Variants in GRID2 observed in about 807,000 individuals in gnomAD.
GRID2 encodes the protein glutamate ionotropic receptor delta type subunit 2, also known as glutamate receptor ionotropic, delta-2.
GRID2 carries 33 observed loss-of-function variants against 114.8 expected under a neutral mutation model. The observed-to-expected ratio is 0.29, with a 90% CI of 0.22 to 0.38. GRID2 has a LOEUF of 0.38. Ranked by LOEUF, GRID2 falls within the 10% of genes least tolerant of loss-of-function variation. GRID2 has a pLI of 1.00. For missense variants in GRID2, 1,184 were observed against 1,257.7 expected, an observed-to-expected ratio of 0.94 and a Z score of 0.89; for synonymous variants, 505 against 449.9, an observed-to-expected ratio of 1.12 and a Z score of -1.55.
intron 2 of GRID2, among the ~76,000 whole-genome samples, chr4:92,636,837 TTCTTTTGCAA>T (rs1230823321): frequency 6.6e-6 from 1 of 151,984 alleles, no homozygotes; most frequent in East Asian, 1.9e-4. Context: ...AACTTTTCAC[TTCTTTTGCAA>T]TCTGCTTTCT....
intron 1 of GRID2, among the ~76,000 whole-genome samples, chr4:92,433,562 G>T (rs935885025): frequency 2.0e-5 from 3 of 152,200 alleles, no homozygotes; most frequent in Non-Finnish European, 4.4e-5. Flanking sequence ...CACAATCATT[G>T]CAAGCACACA....
chr4:92,308,089 G>C (rs989750626), intron 1 of GRID2, among the ~76,000 whole-genome samples: 1 of 152,074 alleles, frequency 6.6e-6, no homozygotes, highest in Admixed American at 6.5e-5. Context: ...GATTAGCCAC[G>C]CTGACTGCTA....
intron 1 of GRID2, among the ~76,000 whole-genome samples, chr4:92,457,671 T>C (rs1453290622): frequency 6.6e-6 from 1 of 152,114 alleles, no homozygotes; most frequent in Admixed American, 6.6e-5. Flanking sequence ...ACATTATATG[T>C]GTAGCTTGTG....
At chr4:92,891,087 G>A (rs1401943865) in intron 2 of GRID2, among the ~76,000 whole-genome samples, 2 of 152,074 alleles carry the variant, frequency 1.3e-5, no homozygotes, top group Non-Finnish European at 2.9e-5. Context: ...CACAGGGAGG[G>A]GAACATCACA....
intron 13 of GRID2, among the ~76,000 whole-genome samples, chr4:93,616,483 G>T (rs1215070685): frequency 6.7e-6 from 1 of 149,692 alleles, no homozygotes; most frequent in Non-Finnish European, 1.5e-5. Flanking sequence ...GGAGGTGGAG[G>T]CTGCAGTGGT....
intron 14 of GRID2, among the ~76,000 whole-genome samples, chr4:93,680,156 A>G (rs1469344092): frequency 3.3e-5 from 5 of 151,924 alleles, no homozygotes; most frequent in East Asian, 1.9e-4. Flanking sequence ...ACACCTCTAC[A>G]CGAATAAACT....
At chr4:92,339,639 C>T (rs1049808209) in intron 1 of GRID2, among the ~76,000 whole-genome samples, 7 of 152,032 alleles carry the variant, frequency 4.6e-5, no homozygotes, top group Non-Finnish European at 7.4e-5. Context: ...AGATTTAAAC[C>T]CAGGCAATGT....
At position 93,109,122 on chromosome 4, in the gene GRID2, G is replaced by T. The variant is rs920357780; in HGVS notation, c.530-1626G>T. Among the ~76,000 whole-genome samples, 4 of 152,214 alleles carry T rather than the reference G, an allele frequency of 2.6e-5. No individual in the cohort carries two copies. In the East Asian group the frequency reaches 7.7e-4, roughly 29 times the overall value. ...AATTTAACCCTTTGCTTAATTCATG[G>T]TTCAGAGTCTTACACCTTTATGTAC... On this transcript the variant is annotated intron_variant, in intron 3 of 15. Transcript: ENST00000282020.
intron 1 of GRID2, among the ~76,000 whole-genome samples, chr4:92,565,663 C>T (rs930676): frequency 0.21 from 32,375 of 151,762 alleles, 3,798 homozygotes; most frequent in South Asian, 0.29. Flanking sequence ...CCTAACGCAG[C>T]GGTACAGTTC....
chr4:92,662,371 C>T (rs1036716784), intron 2 of GRID2, among the ~76,000 whole-genome samples: 1 of 150,916 alleles, frequency 6.6e-6, no homozygotes, highest in African/African-American at 2.4e-5. Context: ...ATAATTGTAG[C>T]TATCAAATAC....
intron 12 of GRID2, among the ~76,000 whole-genome samples, chr4:93,500,122 T>C (rs1341256549): frequency 6.6e-6 from 1 of 152,028 alleles, no homozygotes; most frequent in African/African-American, 2.4e-5. Context: ...AGTTATGTGG[T>C]ATGCAAGTCA....
chr4:93,324,535 A>T lies in GRID2; in HGVS notation c.1246-71072A>T, dbSNP rs959498880. On this transcript the variant is annotated intron_variant, in intron 8 of 15. Transcript: ENST00000282020. ...GTCTCTGCCAGCCTTTGGTATCAGG[A>T]TGATGCTGGCCTCATAAAATGAGTT... 3.9e-5 allele frequency among the ~76,000 whole-genome samples: 6 copies of T among 152,146 alleles called. No individual in the cohort carries two copies. The South Asian group carries it at 6.2e-4, about 16-fold the overall frequency.
At chr4:92,495,093 T>C (rs1364641536) in intron 1 of GRID2, among the ~76,000 whole-genome samples, 1 of 152,148 alleles carries the variant, frequency 6.6e-6, no homozygotes, top group East Asian at 1.9e-4. Context: ...AAAGCATTCA[T>C]GTGGAATCTA....
At chr4:93,413,518 A>G (rs1477286156) in intron 9 of GRID2, among the ~76,000 whole-genome samples, 1 of 151,966 alleles carries the variant, frequency 6.6e-6, no homozygotes, top group African/African-American at 2.4e-5. Context: ...TAAGTAGTGC[A>G]TGAGAAAGTC....
At chr4:92,437,128 T>G (rs1396837184) in intron 1 of GRID2, among the ~76,000 whole-genome samples, 2 of 152,338 alleles carry the variant, frequency 1.3e-5, no homozygotes, top group East Asian at 3.9e-4. Context: ...CATGTGGGTC[T>G]TATACCAATT....
At chr4:92,583,988 G>C (rs62310108) in intron 1 of GRID2, among the ~76,000 whole-genome samples, 1 of 150,570 alleles carries the variant, frequency 6.6e-6, no homozygotes, top group Admixed American at 6.6e-5. Flanking sequence ...TGAAATAGTA[G>C]CTGATACTAT....
chr4:92,614,441 C>T lies in GRID2; in HGVS notation c.244+24155C>T, dbSNP rs1459028421. 1.5e-4 allele frequency among the ~76,000 whole-genome samples: 22 copies of T among 151,428 alleles called. No homozygotes were observed. In the Admixed American group the frequency reaches 1.5e-3, roughly 10 times the overall value. On this transcript the variant is annotated intron_variant, in intron 2 of 15. Coordinates refer to ENST00000282020, the MANE Select transcript of GRID2 (RefSeq NM_001510.4). ...GTTGTATTTCTGCTTTTATTCAGTT[C>T]AACAATTTTTTTTCCAATTTTGTCT...
chr4:92,745,864 TAAAAGA>T (rs1036864837), intron 2 of GRID2, among the ~76,000 whole-genome samples: 2 of 152,086 alleles, frequency 1.3e-5, no homozygotes, highest in African/African-American at 4.8e-5. Context: ...ATAAGTGATA[TAAAAGA>T]AAAAGAAGCA....
intron 4 of GRID2, among the ~76,000 whole-genome samples, chr4:93,183,512 AT>A (rs1390676658): frequency 6.6e-6 from 1 of 152,202 alleles, no homozygotes; most frequent in Non-Finnish European, 1.5e-5. Context: ...TAGAGGGTCC[AT>A]TAGGGATTCT....
Sources: allele counts gnomAD v4.1 joint callset (sites outside exome capture counted in the v4.1 genomes callset), GRCh38; gene constraint gnomAD v4.1.1; transcripts MANE v1.5; gene names NCBI Gene and HGNC (gene_info 2026-07-23, HGNC 2026-07-21).